The following ZNF529 variants were observed in gnomAD, a reference collection of about 807,000 sequenced individuals.
ZNF529 encodes zinc finger protein 529.
A neutral mutation model predicts 10.1 loss-of-function variants in ZNF529; 11 were observed. The ratio of observed to expected loss-of-function variants is 1.09; its 90% CI spans 0.69 to 1.81. The LOEUF (loss-of-function observed/expected upper bound fraction) is 1.81. Ranked by LOEUF, ZNF529 falls within the 40% of genes most tolerant of loss-of-function variation. The pLI, the probability that ZNF529 is intolerant of heterozygous loss-of-function variation, is 0.00. For synonymous variants in ZNF529, 204 were observed against 215.7 expected (o/e 0.95, Z 0.47); for missense variants, 624 against 666.8 (o/e 0.94, Z 0.71).
chr19:36,548,652 A>G (rs1477687437), intron 4 of ZNF529, among the ~76,000 whole-genome samples: 1 of 152,220 alleles, frequency 6.6e-6, no homozygotes, highest in Admixed American at 6.5e-5. Context: ...GATAATCCAT[A>G]TATACTAACA....
intron 4 of ZNF529, among the ~76,000 whole-genome samples, chr19:36,552,949 A>G (rs1003050592): frequency 6.6e-6 from 1 of 152,200 alleles, no homozygotes; most frequent in Non-Finnish European, 1.5e-5. Context: ...GAGAAGCAGT[A>G]TAATAGTTAA....
intron 1 of ZNF529, among the ~76,000 whole-genome samples, chr19:36,600,425 T>C (rs777749263): frequency 2.6e-5 from 4 of 152,224 alleles, no homozygotes; most frequent in Non-Finnish European, 5.9e-5. Flanking sequence ...AGCAATTCAT[T>C]GTGTACTTTT....
chr19:36,554,304 C>T (rs1042827906), intron 4 of ZNF529, among the ~76,000 whole-genome samples: 1 of 152,056 alleles, frequency 6.6e-6, no homozygotes, highest in East Asian at 1.9e-4. Flanking sequence ...TTGAGGACGG[C>T]GCAGTGGCTC....
intron 2 of ZNF529, among the ~76,000 whole-genome samples, chr19:36,569,123 G>A (rs1188040678): frequency 1.3e-5 from 2 of 152,136 alleles, no homozygotes; most frequent in African/African-American, 4.8e-5. Flanking sequence ...ACAGACCCAG[G>A]AAAAACGTAA....
At chr19:36,574,701 A>G (rs2036271007), upstream of ZNF529, 1 of 414,514 alleles carries the variant, frequency 2.4e-6, no homozygotes, top group Non-Finnish European at 4.9e-6. Flanking sequence ...AGTTTACCCT[A>G]ATGTGTGTGA....
chr19:36,599,501 A>T (rs1419549912), intron 1 of ZNF529, among the ~76,000 whole-genome samples: 1 of 152,228 alleles, frequency 6.6e-6, no homozygotes, highest in African/African-American at 2.4e-5. Flanking sequence ...TCTCTCATTC[A>T]AATGACTAAT....
chr19:36,557,486 G>A (rs768658140), intron 2 of ZNF529, among the ~76,000 whole-genome samples: 1 of 152,122 alleles, frequency 6.6e-6, no homozygotes, highest in Non-Finnish European at 1.5e-5. Flanking sequence ...GAGCTAAGGG[G>A]GAAGCCCCTT....
Position 36,547,206 on chromosome 19 carries a change from T to TC in ZNF529, c.1351dup (p.Glu451GlyfsTer3), listed in dbSNP as rs750019478. The TC allele has an allele frequency of 6.2e-7, 1 of 1,613,830 alleles. No homozygotes were observed. Among genetic ancestry groups the TC allele is most frequent in the Non-Finnish European group, 8.5e-7 (1 of 1,179,822 alleles). On this transcript the variant is annotated frameshift_variant, in exon 5 of 5. Transcript: ENST00000591340. LOFTEE classifies it low-confidence loss of function (END_TRUNC). The stretch of plus-strand genomic sequence containing the variant: ...AAAGAACTTTCCACACTCCTTACAT[T>TC]CATAAGGTTTTTGACCACTGTGAAT...
chr19:36,601,390 C>T (rs1038787996), intron 1 of ZNF529, among the ~76,000 whole-genome samples: 1 of 152,056 alleles, frequency 6.6e-6, no homozygotes, highest in Non-Finnish European at 1.5e-5. Flanking sequence ...AGGTGTGAGT[C>T]ACTGCGCCCG....
chr19:36,562,172 A>T (rs537150380), intron 2 of ZNF529, among the ~76,000 whole-genome samples: 21 of 152,100 alleles, frequency 1.4e-4, no homozygotes, highest in Non-Finnish European at 2.8e-4. Context: ...TGGGAGGCGG[A>T]GGTTGCGGTG....
intron 1 of ZNF529, among the ~76,000 whole-genome samples, chr19:36,593,260 C>T (rs982242922): frequency 3.3e-5 from 5 of 152,290 alleles, no homozygotes; most frequent in South Asian, 2.1e-4. Context: ...ACTGCACCCT[C>T]GACCTCCCCA....
At chr19:36,596,904 C>G (rs1001376820) in intron 1 of ZNF529, among the ~76,000 whole-genome samples, 1 of 152,046 alleles carries the variant, frequency 6.6e-6, no homozygotes, top group African/African-American at 2.4e-5. Flanking sequence ...TTTCGTCCCT[C>G]GCTCTGTCAC....
chr19:36,558,444 G>A (rs185518024), intron 2 of ZNF529, among the ~76,000 whole-genome samples: 35 of 152,194 alleles, frequency 2.3e-4, no homozygotes, highest in Admixed American at 5.2e-4. Context: ...GGAAACTGCA[G>A]GCTAGAAGTG....
At chr19:36,554,636 T>C in intron 4 of ZNF529, 34 bp downstream of exon 4, 2 of 1,498,640 alleles carry the variant, frequency 1.3e-6, no homozygotes, top group Non-Finnish European at 1.8e-6. Context: ...GTCTAGAGAG[T>C]ATATTCTAAG....
At chr19:36,558,812 G>A (rs935196015) in intron 2 of ZNF529, among the ~76,000 whole-genome samples, 12 of 151,740 alleles carry the variant, frequency 7.9e-5, no homozygotes, top group African/African-American at 1.9e-4. Context: ...AAGCTTCTAC[G>A]AAAGAAAGGA....
intron 2 of ZNF529, among the ~76,000 whole-genome samples, chr19:36,570,349 A>G (rs570795103): frequency 7.1e-6 from 1 of 141,550 alleles, no homozygotes; most frequent in South Asian, 2.4e-4. Context: ...TGAGAGAGCA[A>G]GACCCTATCT....
chr19:36,584,342 AAGAC>A lies in ZNF529; in HGVS notation c.-41+5269_-41+5272del, dbSNP rs367628402. Among the ~76,000 whole-genome samples, 495 of 152,332 alleles carry A rather than the reference AAGAC, an allele frequency of 3.2e-3. 2 individuals are homozygous for A. Among genetic ancestry groups the A allele is most frequent in the African/African-American group, 0.011 (478 of 41,574 alleles). ...GAATCAGCAAAAAGAAAAACCCAGA[AAGAC>A]AGAATGAGATAAAATTTTAAATGAT... On this transcript the variant is annotated intron_variant, in intron 2 of 4. Transcript: ENST00000585960.
At chr19:36,560,567 A>G (rs1295309622) in intron 2 of ZNF529, among the ~76,000 whole-genome samples, 1 of 152,188 alleles carries the variant, frequency 6.6e-6, no homozygotes, top group Non-Finnish European at 1.5e-5. Flanking sequence ...AAATGTATAA[A>G]GGTTCTCCTT....
At chr19:36,589,810 A>G (rs1389619441) in intron 1 of ZNF529, 1 of 152,196 alleles carries the variant, frequency 6.6e-6, no homozygotes, top group African/African-American at 2.4e-5. Context: ...TGTAAAATAC[A>G]TGTCCTTTTC....
Sources: gnomAD v4.1 joint callset for allele counts (sites outside exome capture counted in the v4.1 genomes callset) on GRCh38, gnomAD v4.1.1 for gene constraint, MANE v1.5 for transcripts, NCBI Gene and HGNC (gene_info 2026-07-23, HGNC 2026-07-21) for gene names.